The following DST variants were observed in gnomAD, a reference collection of about 807,000 sequenced individuals.
DST encodes bullous pemphigoid antigen.
A neutral mutation model predicts 875.2 loss-of-function variants in DST; 253 were observed. The ratio of observed to expected loss-of-function variants is 0.29; its 90% CI spans 0.26 to 0.32. DST has a LOEUF of 0.32. DST is among the 10% of genes least tolerant of loss of function. DST has a pLI of 1.00. For synonymous variants in DST, 3,124 were observed against 3,197.1 expected, an observed-to-expected ratio of 0.98 and a Z score of 0.77; for missense variants, 8,287 against 9,111.6, an observed-to-expected ratio of 0.91 and a Z score of 3.68.
At chr6:56,475,502 T>C (rs895789713) in intron 92 of DST, among the ~76,000 whole-genome samples, 17 of 152,166 alleles carry the variant, frequency 1.1e-4, no homozygotes, top group East Asian at 1.9e-4. Flanking sequence ...TGTAAATGCA[T>C]ATTAAACAAA....
At chr6:56,932,494 C>T (rs1280428454) in intron 2 of DST, among the ~76,000 whole-genome samples, 1 of 152,054 alleles carries the variant, frequency 6.6e-6, no homozygotes, top group Admixed American at 6.6e-5. Context: ...ATAGGAGGAA[C>T]AGGCAGCCGG....
intron 4 of DST, among the ~76,000 whole-genome samples, chr6:56,794,381 T>C (rs1057413967): frequency 6.6e-6 from 1 of 152,158 alleles, no homozygotes; most frequent in African/African-American, 2.4e-5. Context: ...ATGGAATCTG[T>C]GTTTAGGGTA....
intron 4 of DST, chr6:56,843,704 G>A (rs1205619388): frequency 1.3e-5 from 10 of 788,972 alleles, no homozygotes; most frequent in African/African-American, 9.6e-5. Context: ...GAGAGGGAGG[G>A]AGGAGGGTGG....
chr6:56,559,591 T>C (rs566974353), intron 58 of DST, among the ~76,000 whole-genome samples: 3 of 152,282 alleles, frequency 2.0e-5, no homozygotes, highest in East Asian at 3.9e-4. Context: ...TTGAGCCATA[T>C]ACACATTAAC....
intron 13 of DST, 78 bp from the exon 14 acceptor site, chr6:56,646,260 A>T: frequency 1.3e-6 from 1 of 782,406 alleles, no homozygotes; most frequent in East Asian, 2.7e-5. Flanking sequence ...CACCACTTCA[A>T]GTGTTATGTA....
In DST at chr6:56,476,181, C is replaced by T. The variant is rs751149116; in HGVS notation, c.21832G>A (p.Glu7278Lys). ...KDKEVIPQEI[E>K]EVKALIAEHQ... ...TCTGCAATGAGTGCTTTCACCTCTT[C>T]GATCTCCTGGGGGATGACTTCTTTA... Residue 7278 changes from glutamate to lysine, a missense_variant, in exon 92 of 104, where the codon GAA becomes AAA. By Grantham distance (56) the Glu-to-Lys change is moderately conservative. Transcript: ENST00000680361. 22 of 1,611,808 alleles carry T rather than the reference C, an allele frequency of 1.4e-5. No individual in the cohort carries two copies. Among genetic ancestry groups the T allele is most frequent in the East Asian group, 2.2e-5 (1 of 44,854 alleles).
chr6:56,503,420 A>G (rs1488390366), intron 78 of DST, among the ~76,000 whole-genome samples: 1 of 152,048 alleles, frequency 6.6e-6, no homozygotes, highest in Admixed American at 6.6e-5. Flanking sequence ...CCTACAATGT[A>G]CCCACGAAAA....
At chr6:56,779,295 G>C (rs1416718727) in intron 4 of DST, among the ~76,000 whole-genome samples, 2 of 152,060 alleles carry the variant, frequency 1.3e-5, no homozygotes, top group African/African-American at 4.8e-5. Flanking sequence ...CCCTTTGTCA[G>C]ATGAGTAGAT....
At position 56,900,554 on chromosome 6, in the gene DST, T is replaced by A. The variant is rs1793579794; in HGVS notation, c.284A>T (p.Glu95Val). The part of the protein sequence containing the change: ...VAAAAAARLE[E>V]VKPVVEVHHQ... ...GTGAACTTCCACCACGGGCTTCACT[T>A]CTTCCAGACGGGCAGCTGCGGCCGC... is the stretch of plus-strand genomic sequence containing the variant. Residue 95 changes from glutamate (E) to valine (V), a missense_variant, in exon 3 of 104, where the codon GAA (glutamate) becomes GTA (valine). Physicochemically the swap from Glu to Val is moderately radical, Grantham distance 121 (BLOSUM62 -2). This residue lies in a region of DST where 1,160 missense variants were observed against 1,424.3 expected (regional missense o/e 0.81). Transcript: ENST00000680361. 7.3e-7 allele frequency: 1 copy of A among 1,367,584 alleles called. No homozygotes were observed. The highest frequency in any genetic ancestry group is 1.9e-5 in the Admixed American group (1 of 52,570). The allele number at this position is 1,367,584 out of a possible 1,614,324, so 84.7% of individuals were successfully genotyped here.
chr6:56,472,679 A>G (rs1029764608), intron 93 of DST, among the ~76,000 whole-genome samples: 6 of 152,210 alleles, frequency 3.9e-5, no homozygotes, highest in Non-Finnish European at 7.3e-5. Flanking sequence ...CTGGGCAGTC[A>G]CAAGAGTCAA....
chr6:56,759,726 C>G (rs2099612918), intron 4 of DST, among the ~76,000 whole-genome samples: 1 of 152,106 alleles, frequency 6.6e-6, no homozygotes, highest in African/African-American at 2.4e-5. Context: ...CTGACACAGC[C>G]AAGGAACTGC....
At chr6:56,783,627 T>A (rs905445355) in intron 4 of DST, among the ~76,000 whole-genome samples, 1 of 152,090 alleles carries the variant, frequency 6.6e-6, no homozygotes, top group Non-Finnish European at 1.5e-5. Context: ...TCTCTGCACG[T>A]GAGATGGGTT....
At chr6:56,908,030 C>T (rs949698497) in intron 2 of DST, among the ~76,000 whole-genome samples, 12 of 152,004 alleles carry the variant, frequency 7.9e-5, no homozygotes, top group African/African-American at 2.9e-4. Flanking sequence ...GATTGCACCA[C>T]TGCACTCCAG....
intron 89 of DST, chr6:56,482,423 T>C (rs1645899585): frequency 5.8e-6 from 3 of 520,196 alleles, no homozygotes; most frequent in Non-Finnish European, 9.5e-6. Context: ...TTTAGATGAA[T>C]GGCAGTCCAT....
intron 4 of DST, among the ~76,000 whole-genome samples, chr6:56,740,081 C>G (rs1462996355): frequency 3.3e-5 from 5 of 152,186 alleles, no homozygotes; most frequent in Non-Finnish European, 7.3e-5. Flanking sequence ...GTTCCAAACT[C>G]CTGACCTCAG....
intron 2 of DST, among the ~76,000 whole-genome samples, chr6:56,951,955 G>T (rs1223043531): frequency 6.6e-6 from 1 of 152,076 alleles, no homozygotes; most frequent in Non-Finnish European, 1.5e-5. Flanking sequence ...TCAGGAACTA[G>T]CACCCACTAG....
At chr6:56,893,366 G>A (rs779733678) in intron 3 of DST, among the ~76,000 whole-genome samples, 10 of 151,964 alleles carry the variant, frequency 6.6e-5, no homozygotes, top group Admixed American at 2.0e-4. Flanking sequence ...GTATTCCATC[G>A]TATAGATACA....
intron 80 of DST, among the ~76,000 whole-genome samples, chr6:56,499,194 T>C (rs2096031779): frequency 6.6e-6 from 1 of 152,090 alleles, no homozygotes; most frequent in Non-Finnish European, 1.5e-5. Flanking sequence ...AAAAAGAACA[T>C]TATCTCCCAT....
chr6:56,565,033 T>A (rs1164314848), intron 55 of DST, among the ~76,000 whole-genome samples: 2 of 152,166 alleles, frequency 1.3e-5, no homozygotes, highest in African/African-American at 4.8e-5. Flanking sequence ...TTTCTGTTTT[T>A]GTGTCTCTGC....
Sources: gnomAD v4.1 joint callset for allele counts (sites outside exome capture counted in the v4.1 genomes callset) on GRCh38, gnomAD v4.1.1 for gene constraint, gnomAD v4.1.1 regional missense constraint, MANE v1.5 for transcripts, NCBI Gene and HGNC (gene_info 2026-07-23, HGNC 2026-07-21) for gene names.